NEDD4L: variants seen among roughly 807,000 people sequenced by gnomAD.
NEDD4L encodes the protein E3 ubiquitin-protein ligase NEDD4-like.
NEDD4L carries 54 observed loss-of-function variants against 148.9 expected under a neutral mutation model. The observed-to-expected ratio is 0.36, with a 90% CI of 0.29 to 0.45. NEDD4L has a LOEUF of 0.45. Among genes scored for constraint, NEDD4L ranks in the 20% least tolerant of loss-of-function variants. The probability of loss-of-function intolerance (pLI) is 1.00; values close to 1 mark genes in which losing one functional copy is unlikely to be tolerated. For missense variants in NEDD4L, 856 were observed against 1,233.8 expected (o/e 0.69, Z 4.59); for synonymous variants, 433 against 440.7 (o/e 0.98, Z 0.22).
intron 2 of NEDD4L, among the ~76,000 whole-genome samples, chr18:58,169,263 C>T (rs1008135746): frequency 4.6e-5 from 7 of 152,162 alleles, no homozygotes; most frequent in South Asian, 2.1e-4. Context: ...ATAACCGAGC[C>T]GCGACTCCAC....
intron 1 of NEDD4L, among the ~76,000 whole-genome samples, chr18:58,083,824 T>C (rs2145164882): frequency 6.6e-6 from 1 of 152,316 alleles, no homozygotes; most frequent in South Asian, 2.1e-4. Flanking sequence ...GAAACATTCA[T>C]ACATGTTGCA....
intron 1 of NEDD4L, among the ~76,000 whole-genome samples, chr18:58,110,160 G>A (rs2085333491): frequency 6.6e-6 from 1 of 152,170 alleles, no homozygotes; most frequent in South Asian, 2.1e-4. Flanking sequence ...TTCTAGCTTG[G>A]GTGTCCAAGT....
At chr18:58,323,935 T>C (rs1282616088) in intron 8 of NEDD4L, among the ~76,000 whole-genome samples, 1 of 152,144 alleles carries the variant, frequency 6.6e-6, no homozygotes, top group Non-Finnish European at 1.5e-5. Flanking sequence ...TTAGGCAAAT[T>C]CTCATATTCT....
intron 5 of NEDD4L, among the ~76,000 whole-genome samples, chr18:58,282,001 G>A (rs999186595): frequency 4.6e-5 from 7 of 151,410 alleles, no homozygotes; most frequent in African/African-American, 9.7e-5. Context: ...CTCCAGCCTG[G>A]GCGACAGAGT....
chr18:58,383,157 C>G, intron 24 of NEDD4L, 89 bp from the exon 25 acceptor site: 1 of 734,456 alleles, frequency 1.4e-6, no homozygotes, highest in Non-Finnish European at 2.4e-6. Flanking sequence ...TACATGTTGT[C>G]TTCCCTTTAT....
chr18:58,364,641 G>A (rs973130214), intron 20 of NEDD4L, among the ~76,000 whole-genome samples: 89 of 152,114 alleles, frequency 5.9e-4, no homozygotes, highest in African/African-American at 2.1e-3. Flanking sequence ...CACAAAATCT[G>A]TGGAAGCCTA....
At position 58,151,372 on chromosome 18, in the gene NEDD4L, C is replaced by G. The variant is rs139243256; in HGVS notation, c.49-14416C>G. Among the ~76,000 whole-genome samples, 476 of 152,296 alleles carry G rather than the reference C, an allele frequency of 3.1e-3. 2 individuals carry two copies. Among genetic ancestry groups the G allele is most frequent in the African/African-American group, 9.4e-3 (389 of 41,564 alleles). On this transcript the variant is annotated intron_variant, in intron 1 of 30. Coordinates refer to ENST00000400345, the MANE Select transcript of NEDD4L (RefSeq NM_001144967.3). ...GTGTTGGTCCATTTTCCTTTTTTCA[C>G]TGTTGCGTGTTAGCACATCATTACT...
intron 2 of NEDD4L, among the ~76,000 whole-genome samples, chr18:58,169,595 A>G (rs926837162): frequency 3.3e-5 from 5 of 152,258 alleles, no homozygotes; most frequent in African/African-American, 1.2e-4. Flanking sequence ...GCACCTTTTA[A>G]AAAAGCAGGC....
At chr18:58,330,289 C>A (rs190912876) in intron 10 of NEDD4L, among the ~76,000 whole-genome samples, 2 of 152,212 alleles carry the variant, frequency 1.3e-5, no homozygotes, top group South Asian at 4.1e-4. Context: ...GCTGCTCCCA[C>A]GGTGAATCCT....
chr18:58,345,001 T>C (rs2042869159), intron 16 of NEDD4L, among the ~76,000 whole-genome samples: 1 of 152,256 alleles, frequency 6.6e-6, no homozygotes, highest in African/African-American at 2.4e-5. Flanking sequence ...GCTGGGCAGA[T>C]TGTATTTTAA....
rs542965136 is a variant in NEDD4L at position 58,232,482 on chromosome 18, G to A, written c.123-12945G>A. Among the ~76,000 whole-genome samples, 397 of 152,272 alleles carry A rather than the reference G, an allele frequency of 2.6e-3. 4 individuals carry two copies. The highest frequency in any genetic ancestry group is 0.012 in the Admixed American group (191 of 15,292). On this transcript the variant is annotated intron_variant, in intron 2 of 30. Transcript: ENST00000400345. ...CAGCCAAGACTTTTAATGCTGATGT[G>A]GGCTTCATTCTTTCTATAAACTCCC...
chr18:58,076,664 G>A (rs7233556), intron 1 of NEDD4L, among the ~76,000 whole-genome samples: 7,555 of 151,994 alleles, frequency 0.05, 648 homozygotes, highest in African/African-American at 0.17. Context: ...GCGGGCGGGC[G>A]GGCTGGAGTT....
At chr18:58,364,168 C>A (rs1185147346) in intron 19 of NEDD4L, 100 bp from the exon 20 acceptor site, 1 of 718,992 alleles carries the variant, frequency 1.4e-6, no homozygotes, top group Non-Finnish European at 2.4e-6. Context: ...TGAGAATTTA[C>A]GGTTTATGAC....
chr18:58,370,476 A>C lies in NEDD4L; in HGVS notation c.2256+9A>C. 1 of 1,578,366 alleles carries C rather than the reference A, an allele frequency of 6.3e-7. No individual in the cohort carries two copies. Among genetic ancestry groups the C allele is most frequent in the Non-Finnish European group, 8.7e-7 (1 of 1,147,306 alleles). On this transcript the variant is annotated intron_variant, in intron 23 of 30. Transcript: ENST00000400345. ...ATGACATGGAATCTGTGGTAAGTAA[A>C]TGCACGTCACACACTGGCCATCACC...
intron 4 of NEDD4L, among the ~76,000 whole-genome samples, chr18:58,250,736 C>T (rs145144716): frequency 1.3e-5 from 2 of 152,286 alleles, no homozygotes; most frequent in African/African-American, 4.8e-5. Flanking sequence ...CCTGGAAAGG[C>T]CACCTGAGGA....
chr18:58,341,623 C>G, intron 14 of NEDD4L, 55 bp from the exon 15 acceptor site: 2 of 1,574,020 alleles, frequency 1.3e-6, no homozygotes, highest in Non-Finnish European at 1.7e-6. Flanking sequence ...CGCTCCTAAT[C>G]ACACACACCG....
intron 2 of NEDD4L, among the ~76,000 whole-genome samples, chr18:58,213,007 C>G (rs776973650): frequency 6.6e-6 from 1 of 152,098 alleles, no homozygotes; most frequent in Non-Finnish European, 1.5e-5. Flanking sequence ...TAGGGAAATG[C>G]AGATTAAACA....
chr18:58,156,605 C>T (rs1017918389), intron 1 of NEDD4L, among the ~76,000 whole-genome samples: 2 of 152,168 alleles, frequency 1.3e-5, no homozygotes, highest in African/African-American at 4.8e-5. Flanking sequence ...CCCCCACCGC[C>T]TCCCACGCCC....
rs2050750163 is a variant in NEDD4L at position 58,400,029 on chromosome 18, G to A, written c.*3760G>A. ...ATTTAAAAACGTATAAAGAGAGCCTGGGTTAATCAGTTCTGCAGCCCCTAC... is the reference window on the plus strand; with the variant it reads ...ATTTAAAAACGTATAAAGAGAGCCTAGGTTAATCAGTTCTGCAGCCCCTAC... On this transcript the variant is annotated 3_prime_UTR_variant, in exon 31 of 31. Transcript: ENST00000400345. 2 of 152,284 alleles carry A rather than the reference G, an allele frequency of 1.3e-5. No homozygotes were observed. The highest frequency in any genetic ancestry group is 1.3e-4 in the Admixed American group (2 of 15,278). 9.4% of individuals were successfully genotyped at this position (152,284 alleles called of 1,614,324 possible).
Sources: gnomAD v4.1 joint callset for allele counts (sites outside exome capture counted in the v4.1 genomes callset) on GRCh38, gnomAD v4.1.1 for gene constraint, MANE v1.5 for transcripts, NCBI Gene and HGNC (gene_info 2026-07-23, HGNC 2026-07-21) for gene names.